The following SDK1 variants were observed in gnomAD, a reference collection of about 807,000 sequenced individuals.
SDK1 encodes protein sidekick-1.
SDK1 carries 157 observed loss-of-function variants against 245.5 expected under a neutral mutation model. The observed-to-expected ratio is 0.64, with a 90% CI of 0.56 to 0.73. SDK1 has a LOEUF of 0.73. Ranked by LOEUF, SDK1 falls within the 30% of genes least tolerant of loss-of-function variation. The probability of loss-of-function intolerance (pLI) is 0.00; values close to 1 mark genes in which losing one functional copy is unlikely to be tolerated. For missense variants in SDK1, 3,583 were observed against 3,002.3 expected, an observed-to-expected ratio of 1.19 and a Z score of -4.52; for synonymous variants, 1,647 against 1,278.5, an observed-to-expected ratio of 1.29 and a Z score of -6.15.
rs73671845 is a variant in SDK1 at position 3,480,660 on chromosome 7, A to G, written c.299-138420A>G. On this transcript the variant is annotated intron_variant, in intron 1 of 44. Transcript: ENST00000404826. The stretch of plus-strand genomic sequence containing the variant: ...TGTCTCAGCCTGTTTGGATATACCT[A>G]TGGGTCTGCCATAGCGTGCATATGG... Among the ~76,000 whole-genome samples, 1,068 of 152,252 alleles carry G rather than the reference A, an allele frequency of 7.0e-3. 10 individuals are homozygous for G. Among genetic ancestry groups the G allele is most frequent in the African/African-American group, 0.025 (1,027 of 41,544 alleles).
chr7:4,102,255 C>G (rs1346882000), intron 22 of SDK1, among the ~76,000 whole-genome samples: 2 of 152,166 alleles, frequency 1.3e-5, no homozygotes, highest in Non-Finnish European at 2.9e-5. Context: ...GTCCCTCCCT[C>G]TGCAGGGGCC....
At chr7:4,137,696 G>A (rs753066899) in intron 28 of SDK1, among the ~76,000 whole-genome samples, 1 of 152,204 alleles carries the variant, frequency 6.6e-6, no homozygotes, top group Non-Finnish European at 1.5e-5. Flanking sequence ...CTCGTAAGCC[G>A]CATTTTACTG....
intron 1 of SDK1, among the ~76,000 whole-genome samples, chr7:3,597,187 G>C (rs2128637461): frequency 6.6e-6 from 1 of 151,578 alleles, no homozygotes; most frequent in South Asian, 2.1e-4. Context: ...CAGGAGAATG[G>C]CGTGAACCCG....
intron 4 of SDK1, among the ~76,000 whole-genome samples, chr7:3,670,943 C>T (rs1385652535): frequency 6.6e-6 from 1 of 152,186 alleles, no homozygotes; most frequent in Admixed American, 6.5e-5. Context: ...GACAGGTCGT[C>T]TATTATTTGT....
chr7:3,340,108 T>G (rs1232784494), intron 1 of SDK1, among the ~76,000 whole-genome samples: 3 of 149,426 alleles, frequency 2.0e-5, no homozygotes, highest in Non-Finnish European at 4.4e-5. Context: ...TATCTTTAGT[T>G]TTAATTAGCT....
chr7:3,823,207 G>T (rs1415949065), intron 5 of SDK1, among the ~76,000 whole-genome samples: 2 of 152,060 alleles, frequency 1.3e-5, no homozygotes, highest in Non-Finnish European at 1.5e-5. Flanking sequence ...TTTTCCAAGG[G>T]TTATGATAAA....
At chr7:4,030,529 C>T (rs990191875) in intron 17 of SDK1, among the ~76,000 whole-genome samples, 1 of 152,178 alleles carries the variant, frequency 6.6e-6, no homozygotes, top group Non-Finnish European at 1.5e-5. Flanking sequence ...TGGCACATGC[C>T]GTGACCTAGG....
chr7:3,461,618 G>C (rs920814979), intron 1 of SDK1, among the ~76,000 whole-genome samples: 1 of 152,122 alleles, frequency 6.6e-6, no homozygotes, highest in Non-Finnish European at 1.5e-5. Flanking sequence ...GGTCATTGTT[G>C]AACTGTTGTG....
chr7:3,444,944 A>G (rs962005350), intron 1 of SDK1, among the ~76,000 whole-genome samples: 4 of 152,212 alleles, frequency 2.6e-5, no homozygotes, highest in Non-Finnish European at 5.9e-5. Flanking sequence ...CCTACTTACA[A>G]ACTACTTTGA....
At chr7:3,966,972 T>C (rs1395957373) in intron 9 of SDK1, among the ~76,000 whole-genome samples, 4 of 152,218 alleles carry the variant, frequency 2.6e-5, no homozygotes, top group African/African-American at 9.6e-5. Context: ...AGGCATGGGC[T>C]ACCTTTCATT....
At chr7:3,850,391 C>G (rs932973660) in intron 5 of SDK1, among the ~76,000 whole-genome samples, 1 of 152,086 alleles carries the variant, frequency 6.6e-6, no homozygotes. Context: ...AAATAAGATG[C>G]CTTTTACACT....
At chr7:3,843,392 G>A (rs867129760) in intron 5 of SDK1, among the ~76,000 whole-genome samples, 2 of 152,108 alleles carry the variant, frequency 1.3e-5, no homozygotes, top group Admixed American at 6.6e-5. Context: ...TAACTTTGTC[G>A]CTAGCTATTT....
At chr7:3,528,809 A>C (rs1783241623) in intron 1 of SDK1, among the ~76,000 whole-genome samples, 1 of 152,066 alleles carries the variant, frequency 6.6e-6, no homozygotes, top group Non-Finnish European at 1.5e-5. Flanking sequence ...ATTTATGAAA[A>C]AGTGGAAGAC....
At chr7:4,102,523 G>A (rs1480777599) in intron 22 of SDK1, among the ~76,000 whole-genome samples, 3 of 152,076 alleles carry the variant, frequency 2.0e-5, no homozygotes, top group Non-Finnish European at 2.9e-5. Context: ...TTCCCCACAC[G>A]CAGCTGCACC....
At chr7:3,443,982 A>G (rs1274507359) in intron 1 of SDK1, among the ~76,000 whole-genome samples, 1 of 152,248 alleles carries the variant, frequency 6.6e-6, no homozygotes, top group Non-Finnish European at 1.5e-5. Flanking sequence ...TCTATCATAT[A>G]CATAGCACGG....
chr7:3,839,313 G>C (rs1780100997), intron 5 of SDK1, among the ~76,000 whole-genome samples: 1 of 152,172 alleles, frequency 6.6e-6, no homozygotes, highest in Non-Finnish European at 1.5e-5. Context: ...TGAGAAAGTG[G>C]ATGGCTTTAA....
chr7:3,658,088 A>T (rs891081923), intron 4 of SDK1, among the ~76,000 whole-genome samples: 10 of 152,116 alleles, frequency 6.6e-5, no homozygotes, highest in African/African-American at 2.4e-4. Flanking sequence ...CCTTCTCTTC[A>T]TCTGTAGAGT....
intron 4 of SDK1, among the ~76,000 whole-genome samples, chr7:3,724,085 T>A (rs1298183337): frequency 6.6e-6 from 1 of 151,798 alleles, no homozygotes; most frequent in African/African-American, 2.4e-5. Context: ...TGCCTTAGCC[T>A]CCCAAGTAGC....
At chr7:3,499,432 A>T (rs1782126501) in intron 1 of SDK1, among the ~76,000 whole-genome samples, 1 of 152,190 alleles carries the variant, frequency 6.6e-6, no homozygotes, top group African/African-American at 2.4e-5. Flanking sequence ...TGGTGTAAAG[A>T]ATAGCAAAGT....
Sources: allele counts gnomAD v4.1 joint callset (sites outside exome capture counted in the v4.1 genomes callset), GRCh38; gene constraint gnomAD v4.1.1; transcripts MANE v1.5; gene names NCBI Gene and HGNC (gene_info 2026-07-23, HGNC 2026-07-21).